The following TSEN2 variants were observed in gnomAD, a reference collection of about 807,000 sequenced individuals.
The protein encoded by TSEN2 is tRNA-splicing endonuclease subunit Sen2.
A neutral mutation model predicts 59.2 loss-of-function variants in TSEN2; 54 were observed. The ratio of observed to expected loss-of-function variants is 0.91; its 90% CI spans 0.73 to 1.14. TSEN2 has a LOEUF of 1.14. TSEN2 is among the 50% of genes most tolerant of loss of function. The probability of loss-of-function intolerance (pLI) is 0.00; values close to 1 mark genes in which losing one functional copy is unlikely to be tolerated. For synonymous variants in TSEN2, 195 were observed against 198.2 expected (o/e 0.98, Z 0.14); for missense variants, 636 against 576.2 (o/e 1.10, Z -1.06).
chr3:12,510,806 C>T (rs1257052922), intron 6 of TSEN2, among the ~76,000 whole-genome samples: 3 of 152,154 alleles, frequency 2.0e-5, no homozygotes, highest in Non-Finnish European at 2.9e-5. Flanking sequence ...CAGTGACTTT[C>T]CTTCTATCTA....
upstream of TSEN2, among the ~76,000 whole-genome samples, chr3:12,483,400 C>A (rs2052284238): frequency 6.6e-6 from 1 of 152,030 alleles, no homozygotes; most frequent in Non-Finnish European, 1.5e-5. Flanking sequence ...ATAAAAAGGG[C>A]CAGAAAAACA....
intron 7 of TSEN2, among the ~76,000 whole-genome samples, chr3:12,517,010 T>TTA: frequency 6.6e-6 from 1 of 152,300 alleles, no homozygotes; most frequent in East Asian, 1.9e-4. Context: ...TTTTAGGTAC[T>TTA]TTACACGCAA....
At chr3:12,500,039 G>A (rs1258974383) in intron 4 of TSEN2, among the ~76,000 whole-genome samples, 1 of 152,198 alleles carries the variant, frequency 6.6e-6, no homozygotes, top group African/African-American at 2.4e-5. Flanking sequence ...GGCGTGTTCT[G>A]ATGGGCACGT....
rs10663207 is a variant in TSEN2, at chr3:12,517,357, C to CAAAAAA, written c.960+705_960+710dup. On this transcript the variant is annotated intron_variant, in intron 7 of 11. Transcript: ENST00000284995. ...TGGGCGACAGACCGAGACTCTGTCT[C>CAAAAAA]AAAAAAAAAAAAAAGAATTTGCAGA... Among the ~76,000 whole-genome samples the CAAAAAA allele has an allele frequency of 7.6e-4, 62 of 81,492 alleles. 1 individual carries two copies. Among genetic ancestry groups the CAAAAAA allele is most frequent in the Admixed American group, 1.9e-3 (13 of 6,844 alleles). 53.5% of individuals were successfully genotyped at this position (81,492 alleles called of 152,430 possible).
intron 1 of TSEN2, among the ~76,000 whole-genome samples, chr3:12,485,196 G>C (rs2052478969): frequency 6.6e-6 from 1 of 152,212 alleles, no homozygotes; most frequent in South Asian, 2.1e-4. Flanking sequence ...GAGAAGGTGA[G>C]ATTTGCTGGG....
chr3:12,481,294 T>TA (rs2052190865), upstream of TSEN2, among the ~76,000 whole-genome samples: 1 of 152,268 alleles, frequency 6.6e-6, no homozygotes, highest in Non-Finnish European at 1.5e-5. Context: ...ACCTAGTTGC[T>TA]AAAACTTATT....
At chr3:12,489,649 T>C in intron 1 of TSEN2, 135 bp from the exon 2 acceptor site, 1 of 721,130 alleles carries the variant, frequency 1.4e-6, no homozygotes, top group Non-Finnish European at 2.4e-6. Context: ...GCTTTTAGTT[T>C]ATTGCTTTAT....
chr3:12,484,317 C>T (rs1448496619), upstream of TSEN2: 1 of 152,418 alleles, frequency 6.6e-6, no homozygotes. Flanking sequence ...CACGCAGCCT[C>T]CGCCTCATAC....
intron 6 of TSEN2, among the ~76,000 whole-genome samples, chr3:12,510,628 G>A (rs1353538122): frequency 6.6e-6 from 1 of 152,110 alleles, no homozygotes. Flanking sequence ...CTTCCATTTT[G>A]TACCTCACCC....
intron 8 of TSEN2, 140 bp from the exon 9 acceptor site, chr3:12,528,748 T>A: frequency 1.2e-6 from 1 of 829,658 alleles, no homozygotes; most frequent in Non-Finnish European, 1.9e-6. Context: ...ATATTGCAGA[T>A]GATCTGTCTA....
intron 4 of TSEN2, among the ~76,000 whole-genome samples, 178 bp downstream of exon 4, chr3:12,496,732 C>A (rs904123943): frequency 1.7e-4 from 26 of 152,114 alleles, no homozygotes; most frequent in African/African-American, 5.6e-4. Context: ...TTTTGCAATG[C>A]CTTACGTGAG....
chr3:12,513,988 C>CA (rs569117067), intron 6 of TSEN2, among the ~76,000 whole-genome samples: 3 of 152,222 alleles, frequency 2.0e-5, no homozygotes, highest in Admixed American at 6.5e-5. Flanking sequence ...TGTCTTTCAA[C>CA]ACAAGCATTG....
intron 11 of TSEN2, 130 bp downstream of exon 11, chr3:12,531,789 C>G (rs772096562): frequency 1.4e-6 from 1 of 699,120 alleles, no homozygotes; most frequent in Non-Finnish European, 2.6e-6. Context: ...CAGGCAGGCT[C>G]TTAAGTCTCT....
chr3:12,496,411 G>C, intron 3 of TSEN2, 107 bp from the exon 4 acceptor site: 1 of 1,199,422 alleles, frequency 8.3e-7, no homozygotes, highest in Middle Eastern at 2.0e-4. Context: ...AAACTTTCTA[G>C]GTGTGTGATT....
In TSEN2 at chr3:12,532,834, T is replaced by A; in HGVS notation, c.*113T>A. ...TCATAAGTTTTAAAGGGCATGGTGCTCCCAGCACCAGAAAACTATCAGTGT... is the reference window on the plus strand; with the variant it reads ...TCATAAGTTTTAAAGGGCATGGTGCACCCAGCACCAGAAAACTATCAGTGT... On this transcript the variant is annotated 3_prime_UTR_variant, in exon 12 of 12. Coordinates refer to ENST00000284995, the MANE Select transcript of TSEN2 (RefSeq NM_025265.4). 1.0e-6 allele frequency: 1 copy of A among 971,130 alleles called. No homozygotes were observed. 60.2% of individuals were successfully genotyped at this position (971,130 alleles called of 1,614,324 possible).
intron 6 of TSEN2, among the ~76,000 whole-genome samples, chr3:12,510,634 C>T (rs866971552): frequency 3.3e-4 from 50 of 152,264 alleles, no homozygotes; most frequent in Middle Eastern, 6.8e-3. Context: ...TTTTGTACCT[C>T]ACCCGTTTTT....
chr3:12,516,711 A>AAAGC, intron 7 of TSEN2, 50 bp downstream of exon 7: 1 of 1,548,072 alleles, frequency 6.5e-7, no homozygotes, highest in Admixed American at 1.7e-5. Context: ...CCTGTTGTTA[A>AAAGC]AAGCAGGTTG....
downstream of TSEN2, among the ~76,000 whole-genome samples, chr3:12,533,854 T>C (rs2057604369): frequency 6.6e-6 from 1 of 152,062 alleles, no homozygotes; most frequent in Non-Finnish European, 1.5e-5. Flanking sequence ...ATAGCCAATA[T>C]GGGGTAAAAT....
chr3:12,515,622 G>A (rs1275358746), intron 6 of TSEN2, among the ~76,000 whole-genome samples: 1 of 152,164 alleles, frequency 6.6e-6, no homozygotes, highest in Non-Finnish European at 1.5e-5. Context: ...ATGGCTCTTT[G>A]GGTGGTGTCA....
Sources: gnomAD v4.1 joint callset for allele counts (sites outside exome capture counted in the v4.1 genomes callset) on GRCh38, gnomAD v4.1.1 for gene constraint, MANE v1.5 for transcripts, NCBI Gene and HGNC (gene_info 2026-07-23, HGNC 2026-07-21) for gene names.